MECOM: variants seen among roughly 807,000 people sequenced by gnomAD.
The protein encoded by MECOM is MDS1 and EVI1 complex locus.
A neutral mutation model predicts 116.3 loss-of-function variants in MECOM; 13 were observed. The observed-to-expected ratio is 0.11, with a 90% CI of 0.07 to 0.18. The LOEUF (loss-of-function observed/expected upper bound fraction) is 0.18, where lower values mean the gene tolerates loss of function less well. Ranked by LOEUF, MECOM falls within the 10% of genes least tolerant of loss-of-function variation. MECOM has a pLI of 1.00. For synonymous variants in MECOM, 528 were observed against 535.2 expected (o/e 0.99, Z 0.19); for missense variants, 1,299 against 1,509.0 (o/e 0.86, Z 2.31).
intron 1 of MECOM, among the ~76,000 whole-genome samples, chr3:169,512,868 T>C (rs967839379): frequency 6.6e-6 from 1 of 152,132 alleles, no homozygotes; most frequent in Non-Finnish European, 1.5e-5. Context: ...TCTGACTTAC[T>C]AGAAACCAGG....
At chr3:169,261,878 A>C (rs1478602523) in intron 2 of MECOM, among the ~76,000 whole-genome samples, 1 of 152,270 alleles carries the variant, frequency 6.6e-6, no homozygotes, top group African/African-American at 2.4e-5. Context: ...GCAGAAGTAC[A>C]GACAGGCACA....
chr3:169,313,344 C>A (rs181172132), intron 2 of MECOM, among the ~76,000 whole-genome samples: 3 of 152,154 alleles, frequency 2.0e-5, no homozygotes, highest in Admixed American at 2.0e-4. Flanking sequence ...AATGCAATAG[C>A]TGGAGTGGTA....
chr3:169,247,400 C>T (rs551817002), intron 2 of MECOM, among the ~76,000 whole-genome samples: 2 of 152,132 alleles, frequency 1.3e-5, no homozygotes, highest in Admixed American at 6.6e-5. Context: ...CCACCTCCCG[C>T]GTTCAAGTGA....
intron 4 of MECOM, among the ~76,000 whole-genome samples, chr3:169,128,611 T>C (rs1733675086): frequency 8.0e-5 from 1 of 12,524 alleles, no homozygotes; most frequent in African/African-American, 1.9e-4. Flanking sequence ...ATCTGAGCCA[T>C]GTTTAACCTG....
chr3:169,167,330 T>A (rs1743750049), intron 2 of MECOM, among the ~76,000 whole-genome samples: 1 of 152,188 alleles, frequency 6.6e-6, no homozygotes, highest in African/African-American at 2.4e-5. Flanking sequence ...ACTCCTCCAG[T>A]TGGACTGCAA....
rs4407439 is a variant in MECOM, at chr3:169,124,761, G to A, written c.831-2034C>T. Reference sequence around the variant, plus strand: ...ATATGGGATTTTAAAAATCCTATCCGCTCTCTAGTTTTGTGTATATTTGAA... The same window carrying A: ...ATATGGGATTTTAAAAATCCTATCCACTCTCTAGTTTTGTGTATATTTGAA... On this transcript the variant is annotated intron_variant, in intron 5 of 16. Transcript: ENST00000651503. Among the ~76,000 whole-genome samples the A allele has an allele frequency of 2.6e-5, 4 of 152,158 alleles. No homozygotes were observed. The South Asian group carries it at 6.2e-4, about 24-fold the overall frequency.
intron 2 of MECOM, among the ~76,000 whole-genome samples, chr3:169,194,353 T>C (rs1331189758): frequency 6.6e-6 from 1 of 151,982 alleles, no homozygotes; most frequent in Non-Finnish European, 1.5e-5. Flanking sequence ...TTAGGAGATA[T>C]ACCTAATGTT....
At chr3:169,353,653 G>C (rs889238303) in intron 2 of MECOM, among the ~76,000 whole-genome samples, 1 of 151,586 alleles carries the variant, frequency 6.6e-6, no homozygotes. Context: ...ATTAGAGAGG[G>C]AAATAATTTT....
At chr3:169,157,563 T>C (rs1742174972) in intron 2 of MECOM, among the ~76,000 whole-genome samples, 1 of 152,210 alleles carries the variant, frequency 6.6e-6, no homozygotes, top group Non-Finnish European at 1.5e-5. Context: ...ACCAATACAA[T>C]CTCTATATCA....
At chr3:169,406,747 T>C (rs1369685006) in intron 1 of MECOM, among the ~76,000 whole-genome samples, 1 of 152,182 alleles carries the variant, frequency 6.6e-6, no homozygotes, top group Non-Finnish European at 1.5e-5. Context: ...AGAGAGTTTA[T>C]GTGTCTCACT....
chr3:169,330,305 T>C (rs1722518523), intron 2 of MECOM, among the ~76,000 whole-genome samples: 1 of 152,140 alleles, frequency 6.6e-6, no homozygotes, highest in South Asian at 2.1e-4. Context: ...ATTTCAGGCA[T>C]AAGCCACCAC....
chr3:169,631,875 C>T (rs891173575), intron 1 of MECOM, among the ~76,000 whole-genome samples: 2 of 152,142 alleles, frequency 1.3e-5, no homozygotes, highest in African/African-American at 2.4e-5. Context: ...TTCTAGTCTA[C>T]ACCCTACAGT....
chr3:169,309,683 C>A (rs548899297), intron 2 of MECOM, among the ~76,000 whole-genome samples: 7 of 152,298 alleles, frequency 4.6e-5, no homozygotes, highest in African/African-American at 9.6e-5. Flanking sequence ...CATATAACCA[C>A]CCATATCACA....
intron 1 of MECOM, among the ~76,000 whole-genome samples, chr3:169,586,391 C>T (rs1046639405): frequency 1.3e-5 from 2 of 152,090 alleles, no homozygotes; most frequent in African/African-American, 2.4e-5. Flanking sequence ...TTCTTTATTG[C>T]CTTGGGCATA....
chr3:169,345,095 A>G (rs1725118040), intron 2 of MECOM, among the ~76,000 whole-genome samples: 1 of 152,130 alleles, frequency 6.6e-6, no homozygotes, highest in Non-Finnish European at 1.5e-5. Context: ...AATAAATTAC[A>G]TGGCCAAATT....
Position 169,486,035 on chromosome 3 carries a change from ATATATG to A in MECOM, c.38-104517_38-104512del, listed in dbSNP as rs1752332962. On this transcript the variant is annotated intron_variant, in intron 1 of 16. Transcript: ENST00000651503. Reference sequence around the variant, plus strand: ...ATATATATGTATATATAGTATATATATATATGTATATATATATACACTATCCCAGAG... The same window carrying A: ...ATATATATGTATATATAGTATATATATATATATATATACACTATCCCAGAG... Among the ~76,000 whole-genome samples, 7 of 137,578 alleles carry A rather than the reference ATATATG, an allele frequency of 5.1e-5. 2 individuals carry two copies. Among genetic ancestry groups the A allele is most frequent in the African/African-American group, 1.9e-4 (7 of 37,006 alleles). The allele number at this position is 137,578 out of a possible 152,430, so 90.3% of individuals were successfully genotyped here.
intron 2 of MECOM, among the ~76,000 whole-genome samples, chr3:169,248,034 T>G (rs1755812420): frequency 6.6e-6 from 1 of 152,226 alleles, no homozygotes; most frequent in African/African-American, 2.4e-5. Context: ...ATAGATAGGT[T>G]GTGAAGATTA....
chr3:169,381,147 C>A (rs773003429), intron 2 of MECOM, 40 bp downstream of exon 2: 1 of 1,512,780 alleles, frequency 6.6e-7, no homozygotes. Context: ...CTTTACACAG[C>A]TGCAATATAT....
At chr3:169,457,644 A>T (rs1232425732) in intron 1 of MECOM, among the ~76,000 whole-genome samples, 1 of 152,180 alleles carries the variant, frequency 6.6e-6, no homozygotes, top group Non-Finnish European at 1.5e-5. Flanking sequence ...TGAGACTATC[A>T]TCTTAAATGG....
Sources: allele counts gnomAD v4.1 joint callset (sites outside exome capture counted in the v4.1 genomes callset), GRCh38; gene constraint gnomAD v4.1.1; transcripts MANE v1.5; gene names NCBI Gene and HGNC (gene_info 2026-07-23, HGNC 2026-07-21).